Variants in DAB2 observed in about 807,000 individuals in gnomAD.
The protein encoded by DAB2 is disabled homolog 2.
A neutral mutation model predicts 71.6 loss-of-function variants in DAB2; 28 were observed. The ratio of observed to expected loss-of-function variants is 0.39; its 90% confidence interval spans 0.29 to 0.54. The LOEUF (loss-of-function observed/expected upper bound fraction) is 0.54. Among genes scored for constraint, DAB2 ranks in the 20% least tolerant of loss-of-function variants. The pLI is 0.68. For missense variants in DAB2, 867 were observed against 928.8 expected (o/e 0.93, Z 0.86); for synonymous variants, 345 against 339.7 (o/e 1.02, Z -0.17).
chr5:39,408,301 G>A (rs1755649455), intron 1 of DAB2: 1 of 152,178 alleles, frequency 6.6e-6, no homozygotes, highest in Admixed American at 6.5e-5. Context: ...CTCAAAACAA[G>A]ATCAGTTTAA....
At chr5:39,392,528 T>C (rs896049517) in intron 3 of DAB2, 65 bp from the exon 4 acceptor site, 1 of 1,248,358 alleles carries the variant, frequency 8.0e-7, no homozygotes. Flanking sequence ...GTTTTAATAT[T>C]AAAATTTTCA....
intron 14 of DAB2, among the ~76,000 whole-genome samples, chr5:39,374,176 G>A (rs578078314): frequency 8.3e-4 from 126 of 152,166 alleles, no homozygotes; most frequent in Non-Finnish European, 1.0e-3. Context: ...GTTTGGATGA[G>A]ACAAGATTGG....
intron 1 of DAB2, 64 bp downstream of exon 1, chr5:39,424,740 G>C (rs1284115232): frequency 6.7e-6 from 1 of 150,150 alleles, no homozygotes; most frequent in Non-Finnish European, 1.5e-5. Flanking sequence ...GGGAGCAAAG[G>C]AGAGAAGGAG....
intron 1 of DAB2, among the ~76,000 whole-genome samples, chr5:39,397,601 G>A (rs1755397192): frequency 6.6e-6 from 1 of 152,112 alleles, no homozygotes; most frequent in African/African-American, 2.4e-5. Flanking sequence ...GTATTCGAGT[G>A]GGAATTAATG....
intron 1 of DAB2, among the ~76,000 whole-genome samples, chr5:39,424,314 A>G (rs943738379): frequency 1.3e-5 from 2 of 152,116 alleles, no homozygotes; most frequent in African/African-American, 4.8e-5. Flanking sequence ...TTCACATTTT[A>G]ATGCCATATG....
At position 39,375,045 on chromosome 5, in the gene DAB2, C is replaced by T; in HGVS notation, c.2287G>A (p.Asp763Asn). Residue 763 changes from aspartate (D) to asparagine (N), a missense_variant, in exon 14 of 15, where the codon GAT becomes AAT. Coordinates refer to ENST00000320816, the MANE Select transcript of DAB2 (RefSeq NM_001343.4). The stretch of plus-strand genomic sequence containing the variant: ...TAGGCAAAAGGATTTCCAAATGGAT[C>T]CCTATACATCTCAGAAGATACAGGT... ...SQPVSSEMYR[D>N]PFGNPFA 1 of 1,611,738 alleles carries T rather than the reference C, an allele frequency of 6.2e-7. No homozygotes were observed. Among genetic ancestry groups the T allele is most frequent in the Non-Finnish European group, 8.5e-7 (1 of 1,178,534 alleles).
chr5:39,395,934 A>ATTTTTTTTTTT (rs1561373222), intron 1 of DAB2, among the ~76,000 whole-genome samples: 8 of 32,888 alleles, frequency 2.4e-4, no homozygotes, highest in African/African-American at 3.9e-4. Context: ...AGACACAGAT[A>ATTTTTTTTTTT]TTCTTTTTTT....
intron 1 of DAB2, among the ~76,000 whole-genome samples, chr5:39,413,206 GC>G (rs759249301): frequency 1.3e-5 from 2 of 152,074 alleles, no homozygotes; most frequent in East Asian, 1.9e-4. Flanking sequence ...ATTCAACATT[GC>G]CGGTTTCTTT....
intron 1 of DAB2, among the ~76,000 whole-genome samples, chr5:39,397,261 A>G (rs1755388709): frequency 6.6e-6 from 1 of 152,168 alleles, no homozygotes; most frequent in Admixed American, 6.5e-5. Flanking sequence ...TACTCTCTCC[A>G]GGCCAACAGG....
At chr5:39,385,702 C>T (rs1416652053) in intron 9 of DAB2, among the ~76,000 whole-genome samples, 7 of 152,168 alleles carry the variant, frequency 4.6e-5, no homozygotes, top group South Asian at 4.1e-4. Context: ...GTTCCATAGC[C>T]TAGCTCTTCT....
chr5:39,404,394 TA>T (rs555236403), intron 1 of DAB2, among the ~76,000 whole-genome samples: 36 of 63,844 alleles, frequency 5.6e-4, no homozygotes, highest in Middle Eastern at 0.01. Context: ...TAAAGTATAA[TA>T]AAAAAAAAGA....
chr5:39,411,511 TAAATA>T (rs1022806920), intron 1 of DAB2, among the ~76,000 whole-genome samples: 1 of 152,168 alleles, frequency 6.6e-6, no homozygotes, highest in African/African-American at 2.4e-5. Context: ...CTATGGTCAT[TAAATA>T]AAAGTAACTT....
Position 39,383,274 on chromosome 5 carries a change from A to G in DAB2, c.688-3T>C. On this transcript the variant is annotated splice_polypyrimidine_tract_variant and splice_region_variant and intron_variant, in intron 9 of 14. Coordinates refer to ENST00000320816, the MANE Select transcript of DAB2 (RefSeq NM_001343.4). ...ACTAACAGGATATCTTTGCTTTCCT[A>G]TCACATTTGGAAAGAAAAAAAAAGA... 3 of 1,594,062 alleles carry G rather than the reference A, an allele frequency of 1.9e-6. No homozygotes were observed. Among genetic ancestry groups the G allele is most frequent in the Non-Finnish European group, 2.6e-6 (3 of 1,169,050 alleles).
intron 1 of DAB2, among the ~76,000 whole-genome samples, chr5:39,418,987 T>C (rs1477733097): frequency 6.6e-6 from 1 of 152,238 alleles, no homozygotes; most frequent in African/African-American, 2.4e-5. Flanking sequence ...GCACAGTCAT[T>C]TGCAGCTTAG....
chr5:39,377,729 T>C (rs764302747), intron 11 of DAB2, among the ~76,000 whole-genome samples: 26 of 152,230 alleles, frequency 1.7e-4, no homozygotes, highest in Non-Finnish European at 3.2e-4. Flanking sequence ...TCCATTGGAC[T>C]CTCTGAGTCA....
chr5:39,394,854 A>AATTTCACTT (rs1173225862), intron 1 of DAB2, among the ~76,000 whole-genome samples: 3 of 152,232 alleles, frequency 2.0e-5, no homozygotes, highest in Non-Finnish European at 4.4e-5. Flanking sequence ...AAATTGCTTA[A>AATTTCACTT]CTATAAAGGC....
chr5:39,421,043 G>A (rs1755972184), intron 1 of DAB2, among the ~76,000 whole-genome samples: 1 of 152,142 alleles, frequency 6.6e-6, no homozygotes, highest in South Asian at 2.1e-4. Context: ...CTCCTTCTCT[G>A]TCAGGAGTCT....
chr5:39,388,356 C>T lies in DAB2; in HGVS notation c.636G>A (p.Gln212=), dbSNP rs1301447179. ...TAGACATGTCCCCAAACAAATCCAT[C>T]TGGTCAACACCCTTAAAAAAGTATT... The part of the protein sequence containing the change: ...QTNKLKSGVD[Q]MDLFGDMSTP... Residue 212 remains glutamine (Q), a synonymous_variant, in exon 9 of 15, where the codon CAG becomes CAA. Transcript: ENST00000320816. 1.2e-6 allele frequency: 2 copies of T among 1,610,094 alleles called. No homozygotes were observed. Among genetic ancestry groups the T allele is most frequent in the African/African-American group, 1.3e-5 (1 of 74,826 alleles).
intron 1 of DAB2, among the ~76,000 whole-genome samples, chr5:39,419,834 G>T (rs1349017793): frequency 1.3e-5 from 2 of 152,136 alleles, no homozygotes; most frequent in African/African-American, 4.8e-5. Flanking sequence ...GTCATACTTG[G>T]TATATGGGAA....
Sources: allele counts gnomAD v4.1 joint callset (sites outside exome capture counted in the v4.1 genomes callset), GRCh38; gene constraint gnomAD v4.1.1; transcripts MANE v1.5; gene names NCBI Gene and HGNC (gene_info 2026-07-23, HGNC 2026-07-21).